HIVEP2: variants seen among roughly 807,000 people sequenced by gnomAD.
HIVEP2 encodes the protein transcription factor HIVEP2.
HIVEP2 carries 14 observed loss-of-function variants against 180.7 expected under a neutral mutation model. The ratio of observed to expected loss-of-function variants is 0.08; its 90% CI spans 0.05 to 0.12. HIVEP2 has a LOEUF of 0.12. HIVEP2 is among the 10% of genes least tolerant of loss of function. HIVEP2 has a pLI of 1.00. For synonymous variants in HIVEP2, 1,184 were observed against 1,136.4 expected (o/e 1.04, Z -0.84); for missense variants, 2,579 against 3,008.5 (o/e 0.86, Z 3.34).
intron 1 of HIVEP2, among the ~76,000 whole-genome samples, chr6:142,915,729 ACT>A (rs1777535485): frequency 6.6e-6 from 1 of 151,236 alleles, no homozygotes; most frequent in Non-Finnish European, 1.5e-5. Flanking sequence ...TTAGCCCCAC[ACT>A]CTCTTTTCGT....
intron 2 of HIVEP2, among the ~76,000 whole-genome samples, chr6:142,815,556 G>C (rs1341876688): frequency 6.6e-6 from 1 of 152,110 alleles, no homozygotes; most frequent in African/African-American, 2.4e-5. Flanking sequence ...AAAAGGTAAA[G>C]AACTTGACAT....
chr6:142,935,772 T>C (rs75612198), intron 1 of HIVEP2, among the ~76,000 whole-genome samples: 2 of 152,306 alleles, frequency 1.3e-5, no homozygotes, highest in East Asian at 3.9e-4. Context: ...GCACATGTCA[T>C]ACACTGTATT....
At position 142,753,449 on chromosome 6, in the gene HIVEP2, A is replaced by C; in HGVS notation, c.6999T>G (p.Ile2333Met). 6.2e-7 allele frequency: 1 copy of C among 1,613,958 alleles called. No homozygotes were observed. Among genetic ancestry groups the C allele is most frequent in the Non-Finnish European group, 8.5e-7 (1 of 1,180,028 alleles). Reference protein sequence around the residue: ...EENIQTCTKAIASLRIATEEA... With the variant: ...EENIQTCTKAMASLRIATEEA... ...CTTCCGTGGCAATCCGGAGAGAGGC[A>C]ATGGCTTTTGTACAAGTCTGTATAT... The change falls in exon 10 of 10, where the codon ATT becomes ATG. Residue 2333 changes from isoleucine (I) to methionine (M), a missense_variant. This residue lies in a region of HIVEP2 where 660 missense variants were observed against 731.7 expected (regional missense o/e 0.90). Coordinates refer to ENST00000367603, the MANE Select transcript of HIVEP2 (RefSeq NM_006734.4).
At chr6:142,821,582 G>A (rs939772902) in intron 2 of HIVEP2, among the ~76,000 whole-genome samples, 4 of 152,184 alleles carry the variant, frequency 2.6e-5, no homozygotes, top group South Asian at 2.1e-4. Flanking sequence ...AAAATGGCAC[G>A]AGGAAGTGAA....
At chr6:142,938,035 T>C (rs561670249) in intron 1 of HIVEP2, among the ~76,000 whole-genome samples, 2 of 152,312 alleles carry the variant, frequency 1.3e-5, no homozygotes, top group East Asian at 3.9e-4. Flanking sequence ...GACATTGCAT[T>C]CTCTACAACT....
chr6:142,924,249 T>C (rs1161025479), intron 1 of HIVEP2, among the ~76,000 whole-genome samples: 4 of 152,188 alleles, frequency 2.6e-5, no homozygotes, highest in East Asian at 1.9e-4. Context: ...AAAAAGAGAA[T>C]TCTAAAATTA....
At chr6:142,825,277 A>G (rs1173053838) in intron 2 of HIVEP2, among the ~76,000 whole-genome samples, 1 of 129,056 alleles carries the variant, frequency 7.7e-6, no homozygotes, top group African/African-American at 3.3e-5. Context: ...GACACATACT[A>G]AAGTCCAATT....
In HIVEP2 at chr6:142,818,735, A is replaced by AG. The variant is rs58582837; in HGVS notation, c.-528+18199_-528+18200insC. 7.6e-4 allele frequency among the ~76,000 whole-genome samples: 67 copies of AG among 88,570 alleles called. 1 individual carries two copies. The highest frequency in any genetic ancestry group is 2.6e-3 in the African/African-American group (64 of 24,568). 58.1% of individuals were successfully genotyped at this position (88,570 alleles called of 152,430 possible). A position where few individuals can be genotyped will look rare whatever the true frequency, so the allele number is the denominator to read the frequency against. ...AGAAAGAAAGAAAAGAAAGAAAGAA[A>AG]AGAAAGAAAGAAAGAAAGAAAGAAA... On this transcript the variant is annotated intron_variant, in intron 2 of 9. Transcript: ENST00000367603.
chr6:142,902,716 G>T (rs1777161733), intron 1 of HIVEP2, among the ~76,000 whole-genome samples: 1 of 152,100 alleles, frequency 6.6e-6, no homozygotes, highest in East Asian at 1.9e-4. Context: ...GATTGTTCTG[G>T]CAGCTATTTA....
intron 1 of HIVEP2, among the ~76,000 whole-genome samples, chr6:142,856,654 C>T (rs1427624553): frequency 1.3e-5 from 2 of 152,166 alleles, no homozygotes; most frequent in Non-Finnish European, 1.5e-5. Flanking sequence ...AACAGACAAG[C>T]GTAAAGCCTT....
intron 2 of HIVEP2, among the ~76,000 whole-genome samples, chr6:142,813,578 T>C (rs531037922): frequency 6.6e-6 from 1 of 150,856 alleles, no homozygotes; most frequent in Non-Finnish European, 1.5e-5. Context: ...TCAGAGTTTT[T>C]TTTTTTTTTT....
At chr6:142,873,646 T>C (rs1776354370) in intron 1 of HIVEP2, among the ~76,000 whole-genome samples, 1 of 152,218 alleles carries the variant, frequency 6.6e-6, no homozygotes, top group African/African-American at 2.4e-5. Context: ...ACCATTTGCG[T>C]ATACTGAATC....
At chr6:142,808,093 A>G (rs1357449823) in intron 2 of HIVEP2, among the ~76,000 whole-genome samples, 1 of 151,774 alleles carries the variant, frequency 6.6e-6, no homozygotes, top group African/African-American at 2.4e-5. Context: ...CACTACATCT[A>G]CTCCAACAAG....
chr6:142,853,554 C>T (rs1054861960), intron 1 of HIVEP2, among the ~76,000 whole-genome samples: 1 of 152,176 alleles, frequency 6.6e-6, no homozygotes, highest in African/African-American at 2.4e-5. Flanking sequence ...TTAGAATTCG[C>T]CTAAGGCAAT....
chr6:142,802,524 A>G (rs898853741), intron 2 of HIVEP2, among the ~76,000 whole-genome samples: 1 of 151,864 alleles, frequency 6.6e-6, no homozygotes, highest in African/African-American at 2.4e-5. Flanking sequence ...GAAGTAATAA[A>G]GGAAAAAAAA....
At chr6:142,763,514 T>C (rs533909811) in intron 7 of HIVEP2, among the ~76,000 whole-genome samples, 1 of 152,266 alleles carries the variant, frequency 6.6e-6, no homozygotes, top group Non-Finnish European at 1.5e-5. Context: ...AGATGATGAT[T>C]CAGAGGCAGA....
intron 2 of HIVEP2, among the ~76,000 whole-genome samples, chr6:142,828,594 G>C (rs922350953): frequency 1.3e-5 from 2 of 151,934 alleles, no homozygotes; most frequent in African/African-American, 4.8e-5. Flanking sequence ...ATGCCACCAT[G>C]CTTGGCTAAT....
intron 1 of HIVEP2, among the ~76,000 whole-genome samples, chr6:142,879,172 T>C (rs1222033233): frequency 1.3e-5 from 2 of 152,168 alleles, no homozygotes; most frequent in Non-Finnish European, 2.9e-5. Flanking sequence ...AGGCAATGGG[T>C]ACTCAGTGAA....
At chr6:142,797,915 C>T (rs1301350049) in intron 2 of HIVEP2, among the ~76,000 whole-genome samples, 1 of 152,014 alleles carries the variant, frequency 6.6e-6, no homozygotes, top group East Asian at 1.9e-4. Context: ...ACTGTACACA[C>T]AGGTCTGGAA....
Sources: gnomAD v4.1 joint callset for allele counts (sites outside exome capture counted in the v4.1 genomes callset) on GRCh38, gnomAD v4.1.1 for gene constraint, gnomAD v4.1.1 regional missense constraint, MANE v1.5 for transcripts, NCBI Gene and HGNC (gene_info 2026-07-23, HGNC 2026-07-21) for gene names.